Variants in MYO3B observed in about 807,000 individuals in gnomAD.
MYO3B encodes the protein myosin-IIIb.
A neutral mutation model predicts 174.6 loss-of-function variants in MYO3B; 156 were observed. That is an observed-to-expected ratio of 0.89 (90% CI 0.78 to 1.02). MYO3B has a LOEUF of 1.02. Among genes scored for constraint, MYO3B ranks in the 50% least tolerant of loss-of-function variants. The probability of loss-of-function intolerance (pLI) is 0.00; values close to 1 mark genes in which losing one functional copy is unlikely to be tolerated. For synonymous variants in MYO3B, 563 were observed against 569.1 expected (o/e 0.99, Z 0.15); for missense variants, 1,632 against 1,639.4 (o/e 1.00, Z 0.08).
intron 6 of MYO3B, among the ~76,000 whole-genome samples, chr2:170,226,739 G>T (rs7578751): frequency 0.054 from 8,176 of 152,214 alleles, 398 homozygotes; most frequent in African/African-American, 0.13. Flanking sequence ...GTGAGGCCCA[G>T]AGCAGAGGCC....
At chr2:170,189,323 T>C (rs2092510788) in intron 1 of MYO3B, among the ~76,000 whole-genome samples, 1 of 152,086 alleles carries the variant, frequency 6.6e-6, no homozygotes, top group Admixed American at 6.6e-5. Context: ...TAAATCAGCT[T>C]GGTGTTCTAT....
intron 8 of MYO3B, chr2:170,341,330 A>C (rs1190436122): frequency 2.0e-5 from 3 of 152,356 alleles, no homozygotes; most frequent in East Asian, 1.9e-4. Flanking sequence ...ACACACTTGC[A>C]GTGATAAATA....
intron 22 of MYO3B, among the ~76,000 whole-genome samples, chr2:170,411,528 G>T (rs760852829): frequency 9.9e-5 from 15 of 152,174 alleles, no homozygotes; most frequent in Non-Finnish European, 2.1e-4. Context: ...AATGTTACAG[G>T]ACCACCAGTT....
chr2:170,642,945 A>G (rs372734569), intron 32 of MYO3B, among the ~76,000 whole-genome samples: 3 of 151,988 alleles, frequency 2.0e-5, no homozygotes, highest in African/African-American at 4.8e-5. Context: ...TTCTGCTGAT[A>G]TGGTTCTTAT....
chr2:170,431,301 G>A lies in MYO3B; in HGVS notation c.2651-12666G>A, dbSNP rs554697211. ...CGTTAAAAGAGACTGACCTACTGCC[G>A]ACGTGGCAATAAAATGCAGAAAACA... is the stretch of plus-strand genomic sequence containing the variant. On this transcript the variant is annotated intron_variant, in intron 22 of 34. Transcript: ENST00000408978. Among the ~76,000 whole-genome samples the A allele has an allele frequency of 3.9e-5, 6 of 152,146 alleles. No homozygotes were observed. The East Asian group carries it at 7.7e-4, about 20-fold the overall frequency.
chr2:170,445,096 T>A (rs1459265206), intron 23 of MYO3B, among the ~76,000 whole-genome samples: 1 of 152,234 alleles, frequency 6.6e-6, no homozygotes, highest in Non-Finnish European at 1.5e-5. Flanking sequence ...AAGTGATCAA[T>A]GCATAACCTC....
intron 32 of MYO3B, among the ~76,000 whole-genome samples, chr2:170,547,410 A>T (rs1690589905): frequency 6.6e-6 from 1 of 151,884 alleles, no homozygotes; most frequent in Non-Finnish European, 1.5e-5. Context: ...AGCACAATAT[A>T]CCCGGGAAGT....
In MYO3B at chr2:170,387,247, G is replaced by T; in HGVS notation, c.1516G>T (p.Val506Leu). 2 of 1,614,188 alleles carry T rather than the reference G, an allele frequency of 1.2e-6. No homozygotes were observed. Among genetic ancestry groups the T allele is most frequent in the Non-Finnish European group, 1.7e-6 (2 of 1,180,000 alleles). ...AATGATGTTTACACCAACTGGAGTT[G>T]TGATGGGGGCAAGAATCTCTGAATA... ...LEMMFTPTGVVMGARISEYLL... is the reference protein window; with the variant it reads ...LEMMFTPTGVLMGARISEYLL... Residue 506 changes from valine to leucine, a missense_variant, in exon 14 of 35, where the codon GTG (valine) becomes TTG (leucine). Physicochemically the swap from Val to Leu is conservative, Grantham distance 32. Coordinates refer to ENST00000408978, the MANE Select transcript of MYO3B (RefSeq NM_138995.5).
Position 170,654,956 on chromosome 2 carries a change from A to C in MYO3B, c.*1835A>C, listed in dbSNP as rs1307164096. 1.3e-5 allele frequency: 2 copies of C among 152,158 alleles called. No individual in the cohort carries two copies. The highest frequency in any genetic ancestry group is 2.9e-5 in the Non-Finnish European group (2 of 68,026). 9.4% of individuals were successfully genotyped at this position (152,158 alleles called of 1,614,324 possible). On this transcript the variant is annotated 3_prime_UTR_variant, in exon 35 of 35. Coordinates refer to ENST00000408978, the MANE Select transcript of MYO3B (RefSeq NM_138995.5). ...TAAAAAATAATGTGTAGAATATATA[A>C]ATTTTTTATGTTACTGTTAATATAC...
chr2:170,302,788 A>G (rs1233273147), intron 7 of MYO3B, among the ~76,000 whole-genome samples: 8 of 152,204 alleles, frequency 5.3e-5, no homozygotes, highest in African/African-American at 1.4e-4. Flanking sequence ...CTCAGGTGTT[A>G]AGCATATATT....
intron 3 of MYO3B, among the ~76,000 whole-genome samples, chr2:170,207,990 C>T (rs2092731989): frequency 6.6e-6 from 1 of 152,154 alleles, no homozygotes; most frequent in African/African-American, 2.4e-5. Context: ...CTCTTACCCA[C>T]GTATGCCCTA....
rs181644294 is a variant in MYO3B, at chr2:170,474,545, T to G, written c.3014+7834T>G. On this transcript the variant is annotated intron_variant, in intron 25 of 34. Transcript: ENST00000408978. ...TGAGGTCGGGAGTTGAAGACCAGCC[T>G]GACCAACATGGAGAAACCCTGTCTC... is the stretch of plus-strand genomic sequence containing the variant. Among the ~76,000 whole-genome samples, 26 of 151,308 alleles carry G rather than the reference T, an allele frequency of 1.7e-4. No individual in the cohort carries two copies. The East Asian group carries it at 3.7e-3, about 22-fold the overall frequency.
intron 1 of MYO3B, among the ~76,000 whole-genome samples, chr2:170,194,589 C>T (rs1383333580): frequency 1.3e-5 from 2 of 151,740 alleles, no homozygotes; most frequent in Non-Finnish European, 2.9e-5. Flanking sequence ...GAAACCTGAG[C>T]TTTTGTTTTA....
intron 32 of MYO3B, among the ~76,000 whole-genome samples, chr2:170,591,996 A>G (rs1488863712): frequency 6.6e-6 from 1 of 152,224 alleles, no homozygotes; most frequent in African/African-American, 2.4e-5. Context: ...TATCTTATAC[A>G]CATTATCTTA....
intron 8 of MYO3B, among the ~76,000 whole-genome samples, chr2:170,356,753 TTTTA>T (rs1482835101): frequency 6.6e-6 from 1 of 152,090 alleles, no homozygotes; most frequent in Non-Finnish European, 1.5e-5. Context: ...TGCTGGTCTG[TTTTA>T]TTTATTTATT....
Position 170,233,613 on chromosome 2 carries a change from C to T in MYO3B, c.604-2378C>T, listed in dbSNP as rs180942088. Reference sequence around the variant, plus strand: ...AGTTTGAATGTACATTTGAAAATAACGTGTTAAAAGTATGACAGGATATTC... The same window carrying T: ...AGTTTGAATGTACATTTGAAAATAATGTGTTAAAAGTATGACAGGATATTC... On this transcript the variant is annotated intron_variant, in intron 6 of 34. Coordinates refer to ENST00000408978, the MANE Select transcript of MYO3B (RefSeq NM_138995.5). 4.1e-3 allele frequency among the ~76,000 whole-genome samples: 626 copies of T among 152,228 alleles called. 7 individuals are homozygous for T. The highest frequency in any genetic ancestry group is 0.014 in the African/African-American group (590 of 41,540).
intron 7 of MYO3B, among the ~76,000 whole-genome samples, chr2:170,326,472 G>T (rs1363662922): frequency 6.6e-6 from 1 of 152,178 alleles, no homozygotes; most frequent in African/African-American, 2.4e-5. Context: ...GACAATAACA[G>T]TTGGAACTGA....
chr2:170,623,857 C>A (rs769129031), intron 32 of MYO3B, among the ~76,000 whole-genome samples: 1 of 152,058 alleles, frequency 6.6e-6, no homozygotes, highest in Non-Finnish European at 1.5e-5. Context: ...TTGTTTTTGT[C>A]AGGTTTGTCA....
Position 170,653,013 on chromosome 2 carries a change from A to G in MYO3B, c.3918A>G (p.Glu1306=). The G allele has an allele frequency of 6.2e-7, 1 of 1,614,178 alleles. No homozygotes were observed. Among genetic ancestry groups the G allele is most frequent in the Non-Finnish European group, 8.5e-7 (1 of 1,180,026 alleles). The change falls in exon 35 of 35, where the codon GAA becomes GAG. Residue 1306 remains glutamate (E), a synonymous_variant. Coordinates refer to ENST00000408978, the MANE Select transcript of MYO3B (RefSeq NM_138995.5). ...GQIKVLDGED[E]YYKSLSPVDC... is the part of the protein sequence containing the mutation. ...TCAAAGTACTTGATGGGGAAGATGA[A>G]TATTACAAATCTCTGTCACCAGTGG...
Sources: gnomAD v4.1 joint callset for allele counts (sites outside exome capture counted in the v4.1 genomes callset) on GRCh38, gnomAD v4.1.1 for gene constraint, MANE v1.5 for transcripts, NCBI Gene and HGNC (gene_info 2026-07-23, HGNC 2026-07-21) for gene names.